Variants in DNAH6 observed in about 807,000 individuals in gnomAD.
DNAH6 encodes axonemal beta dynein heavy chain 6.
In DNAH6, 340 loss-of-function variants were observed where a neutral mutation model predicts 491.4. That is an observed-to-expected ratio of 0.69 (90% CI 0.63 to 0.76). The LOEUF (loss-of-function observed/expected upper bound fraction) is 0.76, where lower values mean the gene tolerates loss of function less well. Ranked by LOEUF, DNAH6 falls within the 30% of genes least tolerant of loss-of-function variation. The pLI is 0.00. For synonymous variants in DNAH6, 1,603 were observed against 1,686.1 expected, an observed-to-expected ratio of 0.95 and a Z score of 1.21; for missense variants, 4,443 against 4,972.2, an observed-to-expected ratio of 0.89 and a Z score of 3.20.
intron 42 of DNAH6, 81 bp from the exon 43 acceptor site, chr2:84,685,245 A>C: frequency 9.4e-7 from 1 of 1,059,626 alleles, no homozygotes; most frequent in Non-Finnish European, 1.3e-6. Context: ...GTTGTACTTA[A>C]GGGTTTCCTA....
rs942283723 is a variant in DNAH6 at position 84,565,335 on chromosome 2, T to A, written c.1803+7400T>A. The stretch of plus-strand genomic sequence containing the variant: ...AATCCATCTGGTCCAGGGCTTTTTT[T>A]TTTTGTAGTTTTTTTATATTATTTA... On this transcript the variant is annotated intron_variant, in intron 11 of 76. Coordinates refer to ENST00000389394, the MANE Select transcript of DNAH6 (RefSeq NM_001370.2). Among the ~76,000 whole-genome samples the A allele has an allele frequency of 1.1e-4, 16 of 151,972 alleles. No individual in the cohort carries two copies. In the East Asian group the frequency reaches 3.1e-3, roughly 29 times the overall value.
At chr2:84,611,336 G>T (rs555080077) in intron 21 of DNAH6, among the ~76,000 whole-genome samples, 2 of 152,164 alleles carry the variant, frequency 1.3e-5, no homozygotes, top group East Asian at 3.9e-4. Context: ...GTTTGAAAAT[G>T]GTCACTGAAC....
chr2:84,780,860 G>A (rs765161514), intron 64 of DNAH6, among the ~76,000 whole-genome samples: 4 of 152,120 alleles, frequency 2.6e-5, no homozygotes, highest in Non-Finnish European at 4.4e-5. Context: ...TTGTTTCTGG[G>A]TGCTTTCAGA....
At chr2:84,564,289 T>A (rs1296428524) in intron 11 of DNAH6, among the ~76,000 whole-genome samples, 1 of 152,182 alleles carries the variant, frequency 6.6e-6, no homozygotes, top group Non-Finnish European at 1.5e-5. Context: ...CTTTGGGCAT[T>A]ATGGCCATTT....
intron 37 of DNAH6, among the ~76,000 whole-genome samples, chr2:84,666,048 A>G (rs1288219314): frequency 1.3e-5 from 2 of 152,192 alleles, no homozygotes; most frequent in Non-Finnish European, 2.9e-5. Context: ...ACGAAATTCA[A>G]CAGCTCTTCA....
chr2:84,685,370 A>T lies in DNAH6; in HGVS notation c.6961A>T (p.Ile2321Leu), dbSNP rs1452486835. ...DPGTIREEIQIFRLFCHECQR... is the reference protein window; with the variant it reads ...DPGTIREEIQLFRLFCHECQR... ...AGGAACAATAAGAGAAGAAATTCAG[A>T]TATTTAGACTCTTTTGCCATGAGTG... Residue 2321 changes from isoleucine (I) to leucine (L), a missense_variant, in exon 43 of 77, where the codon ATA (isoleucine) becomes TTA (leucine). Ile to Leu is a conservative substitution (Grantham distance 5). Coordinates refer to ENST00000389394, the MANE Select transcript of DNAH6 (RefSeq NM_001370.2). 1.3e-6 allele frequency: 2 copies of T among 1,524,576 alleles called. No individual in the cohort carries two copies. 94.4% of individuals were successfully genotyped at this position (1,524,576 alleles called of 1,614,324 possible).
At chr2:84,599,534 T>G (rs1349086841) in intron 18 of DNAH6, among the ~76,000 whole-genome samples, 1 of 152,196 alleles carries the variant, frequency 6.6e-6, no homozygotes, top group Non-Finnish European at 1.5e-5. Context: ...GGTGTACTTT[T>G]GTACATATTA....
intron 68 of DNAH6, among the ~76,000 whole-genome samples, chr2:84,789,578 C>A (rs992578653): frequency 6.6e-6 from 1 of 152,180 alleles, no homozygotes; most frequent in African/African-American, 2.4e-5. Flanking sequence ...TAGTCAAGAA[C>A]AAAGCTCATG....
intron 18 of DNAH6, among the ~76,000 whole-genome samples, chr2:84,603,791 C>T (rs976921093): frequency 6.6e-6 from 1 of 152,110 alleles, no homozygotes; most frequent in Non-Finnish European, 1.5e-5. Flanking sequence ...TTACTCTTTT[C>T]CCTGTACATC....
intron 29 of DNAH6, among the ~76,000 whole-genome samples, chr2:84,626,022 G>A (rs988607925): frequency 7.9e-5 from 12 of 151,654 alleles, no homozygotes; most frequent in Non-Finnish European, 1.6e-4. Flanking sequence ...ACATCTTTTC[G>A]TACTCTATAC....
At chr2:84,756,195 C>T (rs758447493) in intron 63 of DNAH6, among the ~76,000 whole-genome samples, 2 of 152,146 alleles carry the variant, frequency 1.3e-5, no homozygotes, top group Non-Finnish European at 2.9e-5. Flanking sequence ...TGGAGTGTTT[C>T]TCTCAAGAAT....
chr2:84,594,573 A>C (rs1044018082), intron 17 of DNAH6, among the ~76,000 whole-genome samples: 3 of 152,220 alleles, frequency 2.0e-5, no homozygotes, highest in Non-Finnish European at 4.4e-5. Context: ...AACAGCCATC[A>C]GAGAGTTTTG....
chr2:84,499,156 G>A, the DNAH6 span, among the ~76,000 whole-genome samples: 1 of 151,632 alleles, frequency 6.6e-6, no homozygotes, highest in African/African-American at 2.4e-5. Context: ...CTATTTTTTG[G>A]TACCCATTAA....
intron 11 of DNAH6, among the ~76,000 whole-genome samples, chr2:84,571,770 A>G (rs1000702761): frequency 6.6e-6 from 1 of 151,502 alleles, no homozygotes; most frequent in South Asian, 2.1e-4. Flanking sequence ...AAAAAAAAAA[A>G]AAAATTAGCG....
At chr2:84,753,652 G>C (rs1673681746) in intron 63 of DNAH6, among the ~76,000 whole-genome samples, 1 of 150,652 alleles carries the variant, frequency 6.6e-6, no homozygotes, top group South Asian at 2.1e-4. Flanking sequence ...AGCTACTCAG[G>C]AGGCTGAGGC....
chr2:84,513,056 C>G (rs1002332484), upstream of DNAH6, among the ~76,000 whole-genome samples: 1 of 150,084 alleles, frequency 6.7e-6, no homozygotes, highest in Non-Finnish European at 1.5e-5. Context: ...CTATTGCCTT[C>G]TTTTGTATGA....
chr2:84,684,267 C>T (rs979668927), intron 42 of DNAH6, among the ~76,000 whole-genome samples: 9 of 152,226 alleles, frequency 5.9e-5, no homozygotes, highest in Admixed American at 5.9e-4. Flanking sequence ...CTCACTGATC[C>T]TCAGACATTG....
chr2:84,624,848 A>G (rs1558814867), intron 28 of DNAH6, 54 bp from the exon 29 acceptor site: 4 of 1,467,802 alleles, frequency 2.7e-6, no homozygotes, highest in Non-Finnish European at 3.6e-6. Context: ...GAAATGCCTT[A>G]ATTTGTGGCC....
At chr2:84,684,721 A>G (rs1694118426) in intron 42 of DNAH6, among the ~76,000 whole-genome samples, 1 of 152,212 alleles carries the variant, frequency 6.6e-6, no homozygotes, top group African/African-American at 2.4e-5. Flanking sequence ...GGAGCCCCAT[A>G]TTGGTGGTCC....
Sources: allele counts gnomAD v4.1 joint callset (sites outside exome capture counted in the v4.1 genomes callset), GRCh38; gene constraint gnomAD v4.1.1; transcripts MANE v1.5; gene names NCBI Gene and HGNC (gene_info 2026-07-23, HGNC 2026-07-21).